The following RSPH10B2 variants were observed in gnomAD, a reference collection of about 807,000 sequenced individuals.
RSPH10B2 encodes radial spoke head 10 homolog B2, also known as radial spoke head 10 homolog B2 (Chlamydomonas).
A neutral mutation model predicts 49.0 loss-of-function variants in RSPH10B2; 9 were observed. The observed-to-expected ratio is 0.18, with a 90% CI of 0.11 to 0.32. The LOEUF (loss-of-function observed/expected upper bound fraction) is 0.32, where lower values mean the gene tolerates loss of function less well. RSPH10B2 is among the 10% of genes least tolerant of loss of function. The pLI, the probability that RSPH10B2 is intolerant of heterozygous loss-of-function variation, is 1.00. For synonymous variants in RSPH10B2, 35 were observed against 210.2 expected (o/e 0.17, Z 7.21); for missense variants, 95 against 589.9 (o/e 0.16, Z 8.69).
chr7:6,777,096 C>T (rs1243322113), intron 10 of RSPH10B2, among the ~76,000 whole-genome samples: 5 of 45,280 alleles, frequency 1.1e-4, no homozygotes, highest in Non-Finnish European at 1.9e-4. Flanking sequence ...ACTCTTGTTG[C>T]CCAGGCTGGA....
In RSPH10B2 at chr7:6,764,379, G is replaced by C. The variant is rs867295310; in HGVS notation, c.573+278G>C. On this transcript the variant is annotated intron_variant, in intron 4 of 18. Coordinates refer to ENST00000297186, the Ensembl canonical transcript of RSPH10B2. The stretch of plus-strand genomic sequence containing the variant: ...CCATTTTATTAATTTTTTTTTTTTT[G>C]AGATGGAGTCTTGCTCTGTCGCCCA... Among the ~76,000 whole-genome samples, 30 of 147,672 alleles carry C rather than the reference G, an allele frequency of 2.0e-4. No homozygotes were observed. The Middle Eastern group carries it at 0.011, about 52-fold the overall frequency.
At chr7:6,783,820 A>G (rs1183931963) in intron 13 of RSPH10B2, among the ~76,000 whole-genome samples, 2 of 123,602 alleles carry the variant, frequency 1.6e-5, no homozygotes, top group African/African-American at 3.5e-5. Context: ...TTGCCCATTG[A>G]ATAATAATAA....
At chr7:6,764,365 A>G (rs1161475408) in intron 4 of RSPH10B2, among the ~76,000 whole-genome samples, 3 of 145,560 alleles carry the variant, frequency 2.1e-5, no homozygotes, top group Non-Finnish European at 4.5e-5. Flanking sequence ...CATTTTATTA[A>G]TTTTTTTTTT....
intron 4 of RSPH10B2, among the ~76,000 whole-genome samples, chr7:6,764,705 TTGTTGTGTGTG>T (rs1479546965): frequency 1.3e-5 from 2 of 148,322 alleles, no homozygotes; most frequent in African/African-American, 2.5e-5. Context: ...TGTGTTGTTG[TTGTTGTGTGTG>T]TGTGTGTGTG....
chr7:6,797,229 G>A (rs1287230787), intron 18 of RSPH10B2, among the ~76,000 whole-genome samples: 1 of 143,442 alleles, frequency 7.0e-6, no homozygotes, highest in African/African-American at 2.5e-5. Context: ...GGCTGGTCTC[G>A]AACTCCTGAC....
upstream of RSPH10B2, chr7:6,753,286 GC>G (rs1780955470): frequency 5.8e-6 from 1 of 171,186 alleles, no homozygotes; most frequent in African/African-American, 2.6e-5. Flanking sequence ...GGGGTGCACA[GC>G]AGGTTAGGGG....
chr7:6,796,588 G>A lies in RSPH10B2; in HGVS notation c.2254G>A (p.Asp752Asn), dbSNP rs376160337. The A allele has an allele frequency of 4.9e-5, 59 of 1,208,600 alleles. 15 individuals are homozygous for A. Among genetic ancestry groups the A allele is most frequent in the Non-Finnish European group, 6.4e-5 (59 of 917,882 alleles). The allele number at this position is 1,208,600 out of a possible 1,614,324, so 74.9% of individuals were successfully genotyped here. The change falls in exon 18 of 19, where the codon GAT (aspartate) becomes AAT (asparagine). Residue 752 changes from aspartate (D) to asparagine (N), a missense_variant. Coordinates refer to ENST00000297186, the Ensembl canonical transcript of RSPH10B2. ...TCCAGAGAAATATGAGAGACCCAAG[G>A]ATGATCGAGAGGAAGAGTTCAACAC...
intron 16 of RSPH10B2, among the ~76,000 whole-genome samples, chr7:6,791,022 T>G (rs1583530857): frequency 1.6e-5 from 2 of 124,362 alleles, no homozygotes; most frequent in African/African-American, 3.1e-5. Context: ...TGAGACAGAG[T>G]CTCGCTCTGT....
At chr7:6,791,743 CAAA>C (rs146980235) in intron 16 of RSPH10B2, among the ~76,000 whole-genome samples, 158 bp from the exon 19 acceptor site, 2 of 27,378 alleles carry the variant, frequency 7.3e-5, no homozygotes, top group African/African-American at 1.7e-4. Context: ...GACTCTGTCT[CAAA>C]AAAAAAAAAA....
chr7:6,753,985 C>CT (rs1780979661), upstream of RSPH10B2: 1 of 123,016 alleles, frequency 8.1e-6, no homozygotes, highest in Non-Finnish European at 1.7e-5. Context: ...AGCGTCCAGC[C>CT]TTTCCCCCGG....
chr7:6,794,542 CAG>C (rs1782501335), intron 17 of RSPH10B2: 1 of 110,978 alleles, frequency 9.0e-6, no homozygotes, highest in African/African-American at 3.6e-5. Context: ...GTTCCTGTAA[CAG>C]AAATAGAACT....
chr7:6,797,443 G>T (rs374931080), intron 18 of RSPH10B2, among the ~76,000 whole-genome samples: 4,226 of 135,676 alleles, frequency 0.031, no homozygotes, highest in Admixed American at 0.044. Context: ...AACCAACCAC[G>T]AGATTAGAAG....
At chr7:6,774,436 C>A (rs1169798928) in intron 9 of RSPH10B2, among the ~76,000 whole-genome samples, 2 of 86,818 alleles carry the variant, frequency 2.3e-5, no homozygotes, top group African/African-American at 1.0e-4. Flanking sequence ...CCTCAGCCTC[C>A]CAAAGTGCTG....
At chr7:6,768,102 T>C (rs1442305223) in intron 6 of RSPH10B2, among the ~76,000 whole-genome samples, 1 of 105,352 alleles carries the variant, frequency 9.5e-6, no homozygotes, top group Non-Finnish European at 1.9e-5. Flanking sequence ...TGAGGATCAC[T>C]TGAGTCTTGG....
At chr7:6,786,476 G>C (rs1345499380) in intron 14 of RSPH10B2, among the ~76,000 whole-genome samples, 2 of 110,146 alleles carry the variant, frequency 1.8e-5, no homozygotes, top group Non-Finnish European at 3.5e-5. Context: ...TTACAGGCAT[G>C]AGCCACCGCG....
chr7:6,783,052 G>A (rs1195183816), intron 13 of RSPH10B2, among the ~76,000 whole-genome samples: 11 of 119,676 alleles, frequency 9.2e-5, no homozygotes, highest in Non-Finnish European at 1.5e-4. Flanking sequence ...TTTTTTTTTA[G>A]ACAAAGTCTC....
chr7:6,780,015 G>A, intron 11 of RSPH10B2, among the ~76,000 whole-genome samples: 1 of 120,538 alleles, frequency 8.3e-6, no homozygotes, highest in Non-Finnish European at 1.8e-5. Flanking sequence ...TAGAGACGGG[G>A]TTTCACCATG....
chr7:6,763,697 T>C (rs551790809), intron 3 of RSPH10B2, among the ~76,000 whole-genome samples: 4 of 146,050 alleles, frequency 2.7e-5, no homozygotes, highest in African/African-American at 7.5e-5. Context: ...CTCCCAGATA[T>C]TTCCTCCTGC....
chr7:6,796,806 G>T (rs2528352), intron 18 of RSPH10B2, 40 bp downstream of exon 20: 74,366 of 1,084,544 alleles, frequency 0.069, 22,338 homozygotes, highest in East Asian at 0.49. Flanking sequence ...CCAGCTGCTC[G>T]CTCTCTTCCT....
Sources: gnomAD v4.1 joint callset for allele counts (sites outside exome capture counted in the v4.1 genomes callset) on GRCh38, gnomAD v4.1.1 for gene constraint, MANE v1.5 for transcripts, NCBI Gene and HGNC (gene_info 2026-07-23, HGNC 2026-07-21) for gene names.